The following ROBO2 variants were observed in gnomAD, a reference collection of about 807,000 sequenced individuals.
ROBO2 encodes the protein roundabout homolog 2.
A neutral mutation model predicts 160.8 loss-of-function variants in ROBO2; 53 were observed. The ratio of observed to expected loss-of-function variants is 0.33; its 90% confidence interval spans 0.26 to 0.41. The LOEUF is 0.41. Among genes scored for constraint, ROBO2 ranks in the 10% least tolerant of loss-of-function variants. ROBO2 has a pLI of 1.00. For synonymous variants in ROBO2, 664 were observed against 611.7 expected (o/e 1.09, Z -1.26); for missense variants, 1,577 against 1,722.4 (o/e 0.92, Z 1.49).
intron 2 of ROBO2, among the ~76,000 whole-genome samples, chr3:76,972,548 A>G (rs952304808): frequency 3.3e-5 from 5 of 152,008 alleles, no homozygotes; most frequent in African/African-American, 1.2e-4. Flanking sequence ...AATATAAGTG[A>G]TCTTTTTTTC....
intron 2 of ROBO2, among the ~76,000 whole-genome samples, chr3:76,377,702 A>G (rs1325516639): frequency 1.3e-5 from 2 of 152,226 alleles, no homozygotes; most frequent in Admixed American, 1.3e-4. Flanking sequence ...TAACACATGC[A>G]TGACAGAGTC....
chr3:76,501,540 TAGTAGC>T, intron 2 of ROBO2, among the ~76,000 whole-genome samples: 1 of 152,282 alleles, frequency 6.6e-6, no homozygotes, highest in East Asian at 1.9e-4. Flanking sequence ...GTATGTGGAG[TAGTAGC>T]AGACAAAATG....
chr3:76,166,949 G>GATTC (rs942264004), intron 2 of ROBO2, among the ~76,000 whole-genome samples: 12 of 151,894 alleles, frequency 7.9e-5, no homozygotes, highest in African/African-American at 2.9e-4. Context: ...TTGTTTGTTT[G>GATTC]TTTGTTTGTT....
At chr3:76,080,380 TC>T (rs1234316592) in intron 2 of ROBO2, among the ~76,000 whole-genome samples, 1 of 152,216 alleles carries the variant, frequency 6.6e-6, no homozygotes. Flanking sequence ...TTTCTACTGT[TC>T]CCAAAGATCA....
At chr3:77,390,798 A>G (rs796966613) in intron 2 of ROBO2, among the ~76,000 whole-genome samples, 44 of 152,288 alleles carry the variant, frequency 2.9e-4, no homozygotes, top group African/African-American at 1.1e-3. Flanking sequence ...CCCTGCACTC[A>G]TTATACACAG....
chr3:77,561,377 T>C (rs996029859), intron 9 of ROBO2, among the ~76,000 whole-genome samples: 4 of 152,176 alleles, frequency 2.6e-5, no homozygotes, highest in African/African-American at 4.8e-5. Flanking sequence ...GTGTGACTTT[T>C]CCTTTACTCC....
intron 2 of ROBO2, among the ~76,000 whole-genome samples, chr3:77,406,318 A>G (rs1317921122): frequency 6.6e-6 from 1 of 152,110 alleles, no homozygotes; most frequent in Non-Finnish European, 1.5e-5. Context: ...TCGAGATGAG[A>G]TTTGGGTGGG....
intron 2 of ROBO2, among the ~76,000 whole-genome samples, chr3:75,976,746 T>C (rs1308956836): frequency 6.6e-6 from 1 of 150,896 alleles, no homozygotes; most frequent in Non-Finnish European, 1.5e-5. Context: ...AGACAGGGAG[T>C]GTGTAATATA....
intron 2 of ROBO2, among the ~76,000 whole-genome samples, chr3:76,000,191 G>T (rs1454038761): frequency 2.0e-5 from 3 of 152,010 alleles, no homozygotes; most frequent in African/African-American, 4.8e-5. Flanking sequence ...TATATATTTT[G>T]CATGATACAA....
At chr3:75,912,264 T>G (rs1211722771) in intron 1 of ROBO2, among the ~76,000 whole-genome samples, 1 of 152,192 alleles carries the variant, frequency 6.6e-6, no homozygotes, top group Non-Finnish European at 1.5e-5. Context: ...TCCCCATGCT[T>G]AACAGTTTTA....
intron 1 of ROBO2, among the ~76,000 whole-genome samples, chr3:75,923,707 G>A (rs935878753): frequency 3.3e-5 from 5 of 152,186 alleles, no homozygotes; most frequent in African/African-American, 7.2e-5. Context: ...ACAAATAAAT[G>A]AGTATATGCT....
At chr3:76,756,344 G>A (rs1357255445) in intron 2 of ROBO2, among the ~76,000 whole-genome samples, 1 of 151,832 alleles carries the variant, frequency 6.6e-6, no homozygotes, top group Non-Finnish European at 1.5e-5. Flanking sequence ...TGTAGTAATG[G>A]ATTGTTTTAT....
At chr3:76,705,130 T>C (rs555855345) in intron 2 of ROBO2, among the ~76,000 whole-genome samples, 1 of 152,214 alleles carries the variant, frequency 6.6e-6, no homozygotes, top group East Asian at 1.9e-4. Context: ...GAGACTGGAT[T>C]TGGCCCACAG....
At position 76,598,263 on chromosome 3, in the gene ROBO2, T is replaced by A. The variant is rs114101032; in HGVS notation, c.110-499751T>A. On this transcript the variant is annotated intron_variant, in intron 2 of 26. Coordinates refer to the ROBO2 transcript ENST00000487694. Reference sequence around the variant, plus strand: ...GAACAGAATAGTGGTTGCCAGTGCTTAGGGATGGGAAGGAAGGGAAGAGGA... The same window carrying A: ...GAACAGAATAGTGGTTGCCAGTGCTAAGGGATGGGAAGGAAGGGAAGAGGA... 5.1e-3 allele frequency among the ~76,000 whole-genome samples: 779 copies of A among 152,186 alleles called. 3 individuals carry two copies. The highest frequency in any genetic ancestry group is 8.6e-3 in the Non-Finnish European group (587 of 67,982).
intron 2 of ROBO2, among the ~76,000 whole-genome samples, chr3:76,347,980 C>T (rs1164578838): frequency 1.3e-5 from 2 of 152,106 alleles, no homozygotes; most frequent in East Asian, 1.9e-4. Flanking sequence ...GCTAAAAATC[C>T]GTCAGTTACC....
intron 2 of ROBO2, among the ~76,000 whole-genome samples, chr3:76,481,338 C>G (rs1361937324): frequency 6.6e-6 from 1 of 152,046 alleles, no homozygotes; most frequent in Admixed American, 6.6e-5. Flanking sequence ...GGAAAGAAAC[C>G]ATTTTGAAAT....
In ROBO2 at chr3:76,299,092, C is replaced by T. The variant is rs185604047; in HGVS notation, c.109+361490C>T. Among the ~76,000 whole-genome samples, 158 of 152,236 alleles carry T rather than the reference C, an allele frequency of 1.0e-3. 4 individuals are homozygous for T. The highest frequency in any genetic ancestry group is 8.2e-3 in the Admixed American group (125 of 15,284). On this transcript the variant is annotated intron_variant, in intron 2 of 26. Transcript: ENST00000487694. ...TACACATACACATCTGTGAATACAACGAACACAAATTCCTGTTTGCAAGGA... is the reference window on the plus strand; with the variant it reads ...TACACATACACATCTGTGAATACAATGAACACAAATTCCTGTTTGCAAGGA...
intron 2 of ROBO2, among the ~76,000 whole-genome samples, chr3:76,515,871 T>G (rs1470197380): frequency 6.6e-6 from 1 of 152,190 alleles, no homozygotes. Flanking sequence ...ACATGTATGG[T>G]CTCTCGATTC....
intron 5 of ROBO2, among the ~76,000 whole-genome samples, chr3:77,515,226 G>C (rs2089883283): frequency 6.6e-6 from 1 of 151,682 alleles, no homozygotes; most frequent in South Asian, 2.1e-4. Flanking sequence ...TAATTTGATT[G>C]AGTCTTCCGG....
Sources: gnomAD v4.1 joint callset for allele counts (sites outside exome capture counted in the v4.1 genomes callset) on GRCh38, gnomAD v4.1.1 for gene constraint, MANE v1.5 for transcripts, NCBI Gene and HGNC (gene_info 2026-07-23, HGNC 2026-07-21) for gene names.